The following NUDCD2 variants were observed in gnomAD, a reference collection of about 807,000 sequenced individuals.
NUDCD2 encodes the protein nudC domain-containing protein 2.
Under a neutral mutation model 20.8 loss-of-function variants are expected in NUDCD2, and 16 were observed. The ratio of observed to expected loss-of-function variants is 0.77; its 90% CI spans 0.52 to 1.17. The LOEUF is 1.17. Ranked by LOEUF, NUDCD2 falls within the 50% of genes most tolerant of loss-of-function variation. NUDCD2 has a pLI of 0.00. For missense variants in NUDCD2, 199 were observed against 193.9 expected (o/e 1.03, Z -0.16); for synonymous variants, 87 against 72.8 (o/e 1.20, Z -1.00).
chr5:163,457,007 T>C lies in NUDCD2; in HGVS notation c.312A>G (p.Leu104=), dbSNP rs142159368. The change falls in exon 3 of 4, where the codon CTA becomes CTG. Residue 104 remains leucine (L), a synonymous_variant. Transcript: ENST00000302764. Reference sequence around the variant, plus strand: ...AAGGATCCGCTGCATATTCAGATTCTAGTAGAGAAGTCCAACAATTTGCTG... The same window carrying C: ...AAGGATCCGCTGCATATTCAGATTCCAGTAGAGAAGTCCAACAATTTGCTG... ...RDAANCWTSL[L]ESEYAADPWV... is the part of the protein sequence containing the mutation. 7.6e-5 allele frequency: 122 copies of C among 1,613,732 alleles called. No homozygotes were observed. In the Middle Eastern group the frequency reaches 1.2e-3, roughly 15 times the overall value.
intron 2 of NUDCD2, 34 bp downstream of exon 2, chr5:163,457,528 T>C: frequency 8.0e-7 from 1 of 1,251,062 alleles, no homozygotes; most frequent in Non-Finnish European, 1.2e-6. Context: ...GACAAAATTA[T>C]TTTAATTTGA....
At chr5:163,459,744 CCT>C (rs1758428639) in intron 1 of NUDCD2, 116 bp downstream of exon 1, 2 of 865,842 alleles carry the variant, frequency 2.3e-6, no homozygotes. Context: ...TCAGTGTTAT[CCT>C]CTTTCTCTTT....
Position 163,453,029 on chromosome 5 carries a change from G to GA in NUDCD2, c.*937dup, listed in dbSNP as rs952338778. The GA allele has an allele frequency of 6.6e-6, 1 of 152,160 alleles. No individual in the cohort carries two copies. The highest frequency in any genetic ancestry group is 2.4e-5 in the African/African-American group (1 of 41,432). 9.4% of individuals were successfully genotyped at this position (152,160 alleles called of 1,614,324 possible). A position where few individuals can be genotyped will look rare whatever the true frequency, so the allele number is the denominator to read the frequency against. On this transcript the variant is annotated 3_prime_UTR_variant, in exon 4 of 4. Coordinates refer to ENST00000302764, the MANE Select transcript of NUDCD2 (RefSeq NM_145266.6). Reference sequence around the variant, plus strand: ...AGTAATGTGTCAACGTAAATTTCCTGATTCTAATGGTTGCATTGTAGTCAT... The same window carrying GA: ...AGTAATGTGTCAACGTAAATTTCCTGAATTCTAATGGTTGCATTGTAGTCAT...
chr5:163,447,244 G>T lies in NUDCD2; in HGVS notation c.*6723C>A. The T allele has an allele frequency of 2.0e-5, 3 of 152,834 alleles. No homozygotes were observed. In the South Asian group the frequency reaches 5.6e-4, roughly 29 times the overall value. 9.5% of individuals were successfully genotyped at this position (152,834 alleles called of 1,614,324 possible). A position where few individuals can be genotyped will look rare whatever the true frequency, so the allele number is the denominator to read the frequency against. On this transcript the variant is annotated 3_prime_UTR_variant, in exon 4 of 4. Coordinates refer to ENST00000302764, the MANE Select transcript of NUDCD2 (RefSeq NM_145266.6). ...AGGTGGGAGGATTGCTTGAGGCCAA[G>T]AGTTCAAGACCAGCCTACTCAACAT...
rs1298582291 is a variant in NUDCD2, at chr5:163,447,995, T to TC, written c.*5971_*5972insG. ...AAATTAACACTCTAAGCTCCCACTT[T>TC]AAGAAAGTAGGAAAATCTAACTGGG... On this transcript the variant is annotated 3_prime_UTR_variant, in exon 4 of 4. Coordinates refer to ENST00000302764, the MANE Select transcript of NUDCD2 (RefSeq NM_145266.6). The TC allele has an allele frequency of 6.6e-6, 1 of 152,004 alleles. No individual in the cohort carries two copies. Among genetic ancestry groups the TC allele is most frequent in the Non-Finnish European group, 1.5e-5 (1 of 67,996 alleles). 9.4% of individuals were successfully genotyped at this position (152,004 alleles called of 1,614,324 possible).
chr5:163,459,968 A>C lies in NUDCD2; in HGVS notation c.83T>G (p.Val28Gly), dbSNP rs761227467. ...TGGCGGCACCTGAACTTCAATGAAC[A>C]CCTCCTCCAAGGTCTGGTACCACTG... ...WGQWYQTLEE[V>G]FIEVQVPPGT... The change falls in exon 1 of 4, where the codon GTG becomes GGG. Residue 28 changes from valine to glycine, a missense_variant. By Grantham distance (109) the Val-to-Gly change is moderately radical. Transcript: ENST00000302764. 5 of 1,612,986 alleles carry C rather than the reference A, an allele frequency of 3.1e-6. No homozygotes were observed. The highest frequency in any genetic ancestry group is 4.2e-6 in the Non-Finnish European group (5 of 1,179,686).
Position 163,447,006 on chromosome 5 carries a change from CAAAA to C in NUDCD2, c.*6957_*6960del. ...GGGCAACAGAGTGAGGCTCTTGTCT[CAAAA>C]AATAAATTAAAAAGCCATTTTTATA... On this transcript the variant is annotated 3_prime_UTR_variant, in exon 4 of 4. Transcript: ENST00000302764. The C allele has an allele frequency of 6.6e-6, 1 of 152,044 alleles. No homozygotes were observed. The highest frequency in any genetic ancestry group is 2.1e-4 in the South Asian group (1 of 4,812). 9.4% of individuals were successfully genotyped at this position (152,044 alleles called of 1,614,324 possible). A position where few individuals can be genotyped will look rare whatever the true frequency, so the allele number is the denominator to read the frequency against.
Position 163,448,835 on chromosome 5 carries a change from T to C in NUDCD2, c.*5132A>G, listed in dbSNP as rs1233483809. On this transcript the variant is annotated 3_prime_UTR_variant, in exon 4 of 4. Coordinates refer to ENST00000302764, the MANE Select transcript of NUDCD2 (RefSeq NM_145266.6). ...AAAATTCTGGAATCAGTAAAATCCA[T>C]GATTTTAACAGTCTAAACAAAAAGA... 6.6e-6 allele frequency: 1 copy of C among 152,200 alleles called. No homozygotes were observed. The highest frequency in any genetic ancestry group is 1.5e-5 in the Non-Finnish European group (1 of 68,040). 9.4% of individuals were successfully genotyped at this position (152,200 alleles called of 1,614,324 possible).
At chr5:163,459,692 C>T (rs1026606973) in intron 1 of NUDCD2, 170 bp downstream of exon 1, 5 of 505,156 alleles carry the variant, frequency 9.9e-6, no homozygotes, top group Non-Finnish European at 1.7e-5. Context: ...AACTCAGCAC[C>T]TGCCCTGAAG....
chr5:163,447,598 C>CTA lies in NUDCD2; in HGVS notation c.*6367_*6368dup, dbSNP rs1758072199. 6.6e-6 allele frequency: 1 copy of CTA among 152,060 alleles called. No individual in the cohort carries two copies. The highest frequency in any genetic ancestry group is 1.5e-5 in the Non-Finnish European group (1 of 68,012). 9.4% of individuals were successfully genotyped at this position (152,060 alleles called of 1,614,324 possible). A position where few individuals can be genotyped will look rare whatever the true frequency, so the allele number is the denominator to read the frequency against. ...AAAGATGTAGGAAAATGGAATAATACTAATAACCAGCTAGATTTAATTGAC... is the reference window on the plus strand; with the variant it reads ...AAAGATGTAGGAAAATGGAATAATACTATAATAACCAGCTAGATTTAATTGAC... On this transcript the variant is annotated 3_prime_UTR_variant, in exon 4 of 4. Transcript: ENST00000302764.
Position 163,460,041 on chromosome 5 carries a change from G to C in NUDCD2, c.10C>G (p.Pro4Ala), listed in dbSNP as rs1387775352. ...ACCACCCCACTCCGCTCCTCAAACGGGGCCGACATAATCCAGTCCCTCCCG... is the reference window on the plus strand; with the variant it reads ...ACCACCCCACTCCGCTCCTCAAACGCGGCCGACATAATCCAGTCCCTCCCG... Reference protein sequence around the residue: MSAPFEERSGVVPC... With the variant: MSAAFEERSGVVPC... The change falls in exon 1 of 4, where the codon CCG becomes GCG. Residue 4 changes from proline to alanine, a missense_variant. Pro to Ala is a conservative substitution (Grantham distance 27). Coordinates refer to ENST00000302764, the MANE Select transcript of NUDCD2 (RefSeq NM_145266.6). 3 of 1,589,346 alleles carry C rather than the reference G, an allele frequency of 1.9e-6. No homozygotes were observed.
At chr5:163,455,735 G>GAA (rs80324793) in intron 3 of NUDCD2, among the ~76,000 whole-genome samples, 6 of 108,806 alleles carry the variant, frequency 5.5e-5, no homozygotes, top group African/African-American at 9.6e-5. Context: ...CTCCATCTCA[G>GAA]AAAAAAAAAA....
Position 163,452,276 on chromosome 5 carries a change from G to A in NUDCD2, c.*1691C>T, listed in dbSNP as rs1032971591. 1 of 152,134 alleles carries A rather than the reference G, an allele frequency of 6.6e-6. No homozygotes were observed. The highest frequency in any genetic ancestry group is 1.9e-4 in the East Asian group (1 of 5,194). 9.4% of individuals were successfully genotyped at this position (152,134 alleles called of 1,614,324 possible). On this transcript the variant is annotated 3_prime_UTR_variant, in exon 4 of 4. Coordinates refer to ENST00000302764, the MANE Select transcript of NUDCD2 (RefSeq NM_145266.6). ...CAATTGCACACTAGCACAGATCTTG[G>A]CTTTTAAATATTACTCACTAAAGAG...
In NUDCD2 at chr5:163,460,065, C is replaced by G. The variant is rs781253733; in HGVS notation, c.-15G>C. ...GGGGCCGACATAATCCAGTCCCTCCCGGCCGCGGCCGCACCAGGCGGAGCC... is the reference window on the plus strand; with the variant it reads ...GGGGCCGACATAATCCAGTCCCTCCGGGCCGCGGCCGCACCAGGCGGAGCC... On this transcript the variant is annotated 5_prime_UTR_variant, in exon 1 of 4. Coordinates refer to ENST00000302764, the MANE Select transcript of NUDCD2 (RefSeq NM_145266.6). 1 of 1,532,726 alleles carries G rather than the reference C, an allele frequency of 6.5e-7. No homozygotes were observed. Among genetic ancestry groups the G allele is most frequent in the Non-Finnish European group, 8.8e-7 (1 of 1,141,180 alleles). The allele number at this position is 1,532,726 out of a possible 1,614,324, so 94.9% of individuals were successfully genotyped here. A position where few individuals can be genotyped will look rare whatever the true frequency, so the allele number is the denominator to read the frequency against.
In NUDCD2 at chr5:163,457,547, A is replaced by G; in HGVS notation, c.238+15T>C. The G allele has an allele frequency of 7.0e-6, 10 of 1,422,388 alleles. No individual in the cohort carries two copies. The highest frequency in any genetic ancestry group is 9.9e-6 in the Non-Finnish European group (10 of 1,011,806). The allele number at this position is 1,422,388 out of a possible 1,614,324, so 88.1% of individuals were successfully genotyped here. A position where few individuals can be genotyped will look rare whatever the true frequency, so the allele number is the denominator to read the frequency against. Reference sequence around the variant, plus strand: ...AAATTATTTTAATTTGATGAATTATAGTAATTACCCTTACCCAAAGTCCAT... The same window carrying G: ...AAATTATTTTAATTTGATGAATTATGGTAATTACCCTTACCCAAAGTCCAT... On this transcript the variant is annotated intron_variant, in intron 2 of 3. Coordinates refer to ENST00000302764, the MANE Select transcript of NUDCD2 (RefSeq NM_145266.6).
At position 163,450,085 on chromosome 5, in the gene NUDCD2, T is replaced by C. The variant is rs375450094; in HGVS notation, c.*3882A>G. On this transcript the variant is annotated 3_prime_UTR_variant, in exon 4 of 4. Transcript: ENST00000302764. ...AGCCTATATGGTGAAATCCCAACTC[T>C]ACTAAAAATAAAAAATAAAAAAAAA... 3.3e-5 allele frequency: 5 copies of C among 151,604 alleles called. No homozygotes were observed. The highest frequency in any genetic ancestry group is 7.4e-5 in the Non-Finnish European group (5 of 67,950). The allele number at this position is 151,604 out of a possible 1,614,324, so 9.4% of individuals were successfully genotyped here. A position where few individuals can be genotyped will look rare whatever the true frequency, so the allele number is the denominator to read the frequency against.
chr5:163,454,636 C>T (rs1758257219), intron 3 of NUDCD2, among the ~76,000 whole-genome samples: 1 of 152,162 alleles, frequency 6.6e-6, no homozygotes, highest in Admixed American at 6.5e-5. Flanking sequence ...CCATGGCGCC[C>T]AGCCTATAGC....
Position 163,453,739 on chromosome 5 carries a change from C to T in NUDCD2, c.*228G>A. 1 of 327,418 alleles carries T rather than the reference C, an allele frequency of 3.1e-6. No homozygotes were observed. Among genetic ancestry groups the T allele is most frequent in the Non-Finnish European group, 5.6e-6 (1 of 180,178 alleles). The allele number at this position is 327,418 out of a possible 1,614,324, so 20.3% of individuals were successfully genotyped here. On this transcript the variant is annotated 3_prime_UTR_variant, in exon 4 of 4. Coordinates refer to ENST00000302764, the MANE Select transcript of NUDCD2 (RefSeq NM_145266.6). Reference sequence around the variant, plus strand: ...AAAATGCAGCATATAAAACTTCATGCTGAGCAAAAACAAGTCCAAAACAAC... The same window carrying T: ...AAAATGCAGCATATAAAACTTCATGTTGAGCAAAAACAAGTCCAAAACAAC...
In NUDCD2 at chr5:163,460,079, C is replaced by A. The variant is rs1758454122; in HGVS notation, c.-29G>T. 2.0e-6 allele frequency: 3 copies of A among 1,511,314 alleles called. No individual in the cohort carries two copies. Among genetic ancestry groups the A allele is most frequent in the Non-Finnish European group, 2.7e-6 (3 of 1,130,960 alleles). 93.6% of individuals were successfully genotyped at this position (1,511,314 alleles called of 1,614,324 possible). Reference sequence around the variant, plus strand: ...CCAGTCCCTCCCGGCCGCGGCCGCACCAGGCGGAGCCGAGCGCACGCGCGG... The same window carrying A: ...CCAGTCCCTCCCGGCCGCGGCCGCAACAGGCGGAGCCGAGCGCACGCGCGG... On this transcript the variant is annotated 5_prime_UTR_variant, in exon 1 of 4. Coordinates refer to ENST00000302764, the MANE Select transcript of NUDCD2 (RefSeq NM_145266.6).
Sources: allele counts gnomAD v4.1 joint callset (sites outside exome capture counted in the v4.1 genomes callset), GRCh38; gene constraint gnomAD v4.1.1; transcripts MANE v1.5; gene names NCBI Gene and HGNC (gene_info 2026-07-23, HGNC 2026-07-21).